Variants in ARHGAP29 observed in about 807,000 individuals in gnomAD.
ARHGAP29 encodes rho GTPase-activating protein 29.
A neutral mutation model predicts 122.6 loss-of-function variants in ARHGAP29; 43 were observed. The ratio of observed to expected loss-of-function variants is 0.35; its 90% CI spans 0.27 to 0.45. The LOEUF is 0.45. ARHGAP29 is among the 20% of genes least tolerant of loss of function. The pLI is 1.00. For synonymous variants in ARHGAP29, 506 were observed against 497.1 expected (o/e 1.02, Z -0.24); for missense variants, 1,303 against 1,477.2 (o/e 0.88, Z 1.93).
intron 3 of ARHGAP29, among the ~76,000 whole-genome samples, chr1:94,210,486 G>A (rs1475723165): frequency 6.6e-6 from 1 of 152,140 alleles, no homozygotes; most frequent in Non-Finnish European, 1.5e-5. Flanking sequence ...TAAACTTCAA[G>A]CCTATAAATC....
At chr1:94,217,832 G>A (rs929375873) in intron 3 of ARHGAP29, among the ~76,000 whole-genome samples, 8 of 137,660 alleles carry the variant, frequency 5.8e-5, no homozygotes, top group Non-Finnish European at 1.1e-4. Context: ...CTGGGCAACA[G>A]AGTGAGACCC....
the ARHGAP29 span, among the ~76,000 whole-genome samples, chr1:94,299,471 G>A: frequency 3.9e-5 from 6 of 152,288 alleles, no homozygotes; most frequent in Middle Eastern, 3.4e-3. Context: ...TCTCTGCAAA[G>A]TGTTTGCTGA....
chr1:94,292,756 A>T, the ARHGAP29 span, among the ~76,000 whole-genome samples: 2 of 152,136 alleles, frequency 1.3e-5, no homozygotes, highest in African/African-American at 2.4e-5. Context: ...TCCGCTCCAG[A>T]CCGTGTTTGC....
chr1:94,304,125 A>C, the ARHGAP29 span, among the ~76,000 whole-genome samples: 1 of 152,042 alleles, frequency 6.6e-6, no homozygotes, highest in South Asian at 2.1e-4. Flanking sequence ...ACACTGTTGA[A>C]ACTCTACCCA....
the ARHGAP29 span, among the ~76,000 whole-genome samples, chr1:94,290,030 C>G: frequency 2.3e-4 from 35 of 152,180 alleles, no homozygotes; most frequent in African/African-American, 8.4e-4. Context: ...AGGATTCCCT[C>G]TTTTTCTATT....
the ARHGAP29 span, among the ~76,000 whole-genome samples, chr1:94,289,129 T>C: frequency 6.6e-6 from 1 of 152,240 alleles, no homozygotes; most frequent in African/African-American, 2.4e-5. Context: ...GAGTATGGAA[T>C]GTTCTTCCAT....
In ARHGAP29 at chr1:94,179,915, T is replaced by C; in HGVS notation, c.2290A>G (p.Ile764Val). Reference protein sequence around the residue: ...FILFRLYKEFIDLAKEIQHVN... With the variant: ...FILFRLYKEFVDLAKEIQHVN... ...TGTTGGATCTCTTTTGCAAGGTCTA[T>C]AAATTCCTTGTACAATCGAAATAAA... is the stretch of plus-strand genomic sequence containing the variant. Residue 764 changes from isoleucine (I) to valine (V), a missense_variant, in exon 20 of 23, where the codon ATA becomes GTA. Around this residue, in one of 3 missense-constraint regions of ARHGAP29, gnomAD observed 620 missense variants for 651.2 expected, o/e 0.95. Coordinates refer to ENST00000260526, the MANE Select transcript of ARHGAP29 (RefSeq NM_004815.4). The C allele has an allele frequency of 1.9e-6, 3 of 1,611,732 alleles. No individual in the cohort carries two copies. The highest frequency in any genetic ancestry group is 2.5e-6 in the Non-Finnish European group (3 of 1,179,286).
Position 94,202,956 on chromosome 1 carries a change from C to A in ARHGAP29, c.916G>T (p.Glu306Ter). 1 of 1,609,346 alleles carries A rather than the reference C, an allele frequency of 6.2e-7. No individual in the cohort carries two copies. The highest frequency in any genetic ancestry group is 1.1e-5 in the South Asian group (1 of 89,540). Reference protein sequence around the residue: ...RKNEMEKQRKEIKELWKQEQN... With the variant: ...RKNEMEKQRK Reference sequence around the variant, plus strand: ...TCCTGTTTCCAAAGCTCTTTTATTTCTTTCCTTTGTTTTTCCATTTCATTT... The same window carrying A: ...TCCTGTTTCCAAAGCTCTTTTATTTATTTCCTTTGTTTTTCCATTTCATTT... The change falls in exon 10 of 23, where the codon GAA becomes TAA. Residue 306 changes from glutamate to a stop codon, truncating the protein, a stop_gained. Transcript: ENST00000260526. LOFTEE classifies it high-confidence loss of function.
In ARHGAP29 at chr1:94,174,217, G is replaced by A. The variant is rs2101314036; in HGVS notation, c.3438C>T (p.Ser1146=). The A allele has an allele frequency of 2.5e-6, 4 of 1,614,198 alleles. No individual in the cohort carries two copies. Among genetic ancestry groups the A allele is most frequent in the Non-Finnish European group, 3.4e-6 (4 of 1,180,034 alleles). ...REASERRSSD[S]YPLAPVRAPR... ...GTGCTCTGACAGGAGCGAGAGGGTA[G>A]GAATCTGAAGACCGTCTCTCAGATG... Residue 1146 remains serine, a synonymous_variant, in exon 23 of 23, where the codon TCC becomes TCT. Transcript: ENST00000260526.
chr1:94,249,167 A>G (rs917616909), intron 1 of ARHGAP29, among the ~76,000 whole-genome samples: 6 of 152,250 alleles, frequency 3.9e-5, no homozygotes, highest in African/African-American at 7.2e-5. Flanking sequence ...TGTGCCCTGA[A>G]TCATCTTATA....
chr1:94,277,632 G>A (rs1014812270), upstream of ARHGAP29, among the ~76,000 whole-genome samples: 5 of 152,164 alleles, frequency 3.3e-5, no homozygotes, highest in African/African-American at 1.2e-4. Flanking sequence ...ACCCAAGTCT[G>A]ACTGGGAAGG....
intron 3 of ARHGAP29, among the ~76,000 whole-genome samples, chr1:94,211,342 C>T (rs1219811189): frequency 7.3e-6 from 1 of 136,514 alleles, no homozygotes; most frequent in African/African-American, 2.7e-5. Context: ...TATTTATGTA[C>T]CTAATAAACA....
At chr1:94,215,232 A>G (rs952181601) in intron 3 of ARHGAP29, among the ~76,000 whole-genome samples, 2 of 151,826 alleles carry the variant, frequency 1.3e-5, no homozygotes, top group African/African-American at 2.4e-5. Context: ...AACAAAGTAC[A>G]TATTATATTC....
intron 2 of ARHGAP29, among the ~76,000 whole-genome samples, chr1:94,225,600 T>C (rs1425274114): frequency 1.3e-5 from 2 of 152,092 alleles, no homozygotes; most frequent in Non-Finnish European, 2.9e-5. Context: ...ATTTGCTGTG[T>C]AGAATCTAAA....
chr1:94,215,932 T>C (rs542585895), intron 3 of ARHGAP29, among the ~76,000 whole-genome samples: 1 of 7,706 alleles, frequency 1.3e-4, no homozygotes, highest in South Asian at 0.083. Context: ...AAAAACGTTA[T>C]TGAAACAAAA....
intron 21 of ARHGAP29, 23 bp from the exon 22 acceptor site, chr1:94,177,743 A>G: frequency 6.3e-7 from 1 of 1,592,504 alleles, no homozygotes; most frequent in Middle Eastern, 1.7e-4. Context: ...GATAATTTTT[A>G]AAATGGAAGA....
chr1:94,188,861 G>A lies in ARHGAP29; in HGVS notation c.1657C>T (p.Leu553=). 1 of 1,612,832 alleles carries A rather than the reference G, an allele frequency of 6.2e-7. No individual in the cohort carries two copies. Among genetic ancestry groups the A allele is most frequent in the East Asian group, 2.2e-5 (1 of 44,832 alleles). ...CCTGGACTTATAGATTCTGAATCCA[G>A]AGATCTAGATTCGCTGCTCCCTCCA... ...STGGSSESRS[L]DSESISPGDF... Residue 553 remains leucine (L), a synonymous_variant, in exon 15 of 23, where the codon CTG becomes TTG. Coordinates refer to ENST00000260526, the MANE Select transcript of ARHGAP29 (RefSeq NM_004815.4).
chr1:94,294,810 G>A, the ARHGAP29 span, among the ~76,000 whole-genome samples: 1 of 152,206 alleles, frequency 6.6e-6, no homozygotes, highest in Non-Finnish European at 1.5e-5. Flanking sequence ...AAGTGGAGGG[G>A]AGAAAATAAT....
chr1:94,234,801 T>C (rs1476369323), intron 1 of ARHGAP29, among the ~76,000 whole-genome samples: 3 of 152,188 alleles, frequency 2.0e-5, no homozygotes, highest in Non-Finnish European at 2.9e-5. Flanking sequence ...CTCTTGCAGT[T>C]TACTTAATAA....
Sources: gnomAD v4.1 joint callset for allele counts (sites outside exome capture counted in the v4.1 genomes callset) on GRCh38, gnomAD v4.1.1 for gene constraint, gnomAD v4.1.1 regional missense constraint, MANE v1.5 for transcripts, NCBI Gene and HGNC (gene_info 2026-07-23, HGNC 2026-07-21) for gene names.